CDCA7L: variants seen among roughly 807,000 people sequenced by gnomAD.
CDCA7L encodes the protein cell division cycle associated 7 like, also known as cell division cycle-associated 7-like protein.
A neutral mutation model predicts 57.4 loss-of-function variants in CDCA7L; 44 were observed. That is an observed-to-expected ratio of 0.77 (90% CI 0.60 to 0.98). The LOEUF (loss-of-function observed/expected upper bound fraction) is 0.98, where lower values mean the gene tolerates loss of function less well. Among genes scored for constraint, CDCA7L ranks in the 50% least tolerant of loss-of-function variants. CDCA7L has a pLI of 0.00. For missense variants in CDCA7L, 644 were observed against 580.6 expected (o/e 1.11, Z -1.12); for synonymous variants, 236 against 202.8 (o/e 1.16, Z -1.39).
chr7:21,934,879 T>G (rs1459387530), intron 1 of CDCA7L, among the ~76,000 whole-genome samples: 1 of 152,126 alleles, frequency 6.6e-6, no homozygotes, highest in Non-Finnish European at 1.5e-5. Context: ...TATAAATATA[T>G]ACACACACCA....
intron 1 of CDCA7L, among the ~76,000 whole-genome samples, chr7:21,931,042 A>G (rs1785993645): frequency 6.6e-6 from 1 of 152,238 alleles, no homozygotes; most frequent in African/African-American, 2.4e-5. Context: ...GAAATGGATA[A>G]ATTTCTGGAC....
At chr7:21,934,896 A>G (rs1227051200) in intron 1 of CDCA7L, among the ~76,000 whole-genome samples, 1 of 152,194 alleles carries the variant, frequency 6.6e-6, no homozygotes, top group Non-Finnish European at 1.5e-5. Context: ...ACCAAACATC[A>G]AAGATCCCAA....
rs1786297976 is a variant in CDCA7L at position 21,940,254 on chromosome 7, C to T, written c.24+5527G>A. On this transcript the variant is annotated intron_variant, in intron 1 of 9. Coordinates refer to ENST00000406877, the MANE Select transcript of CDCA7L (RefSeq NM_018719.5). Reference sequence around the variant, plus strand: ...AGGGCCAGGAAAGTGCAACCCTACACCACTTACCTGGAAGGAAAAGAACCA... The same window carrying T: ...AGGGCCAGGAAAGTGCAACCCTACATCACTTACCTGGAAGGAAAAGAACCA... 1.1e-5 allele frequency: 10 copies of T among 947,590 alleles called. No individual in the cohort carries two copies. The South Asian group carries it at 3.9e-4, about 37-fold the overall frequency. 58.7% of individuals were successfully genotyped at this position (947,590 alleles called of 1,614,324 possible).
At chr7:21,942,839 C>T (rs1786384468) in intron 1 of CDCA7L, among the ~76,000 whole-genome samples, 1 of 152,180 alleles carries the variant, frequency 6.6e-6, no homozygotes, top group African/African-American at 2.4e-5. Flanking sequence ...TTTCTGTGAC[C>T]AGCTTCTGGG....
At chr7:21,902,753 C>A in intron 9 of CDCA7L, 1 of 522,954 alleles carries the variant, frequency 1.9e-6, no homozygotes, top group Non-Finnish European at 3.4e-6. Context: ...TGGTTAAAGG[C>A]AACGTGGAGT....
At chr7:21,910,781 C>T (rs1157849218) in intron 3 of CDCA7L, among the ~76,000 whole-genome samples, 1 of 152,118 alleles carries the variant, frequency 6.6e-6, no homozygotes, top group East Asian at 1.9e-4. Flanking sequence ...GAGTAGACTT[C>T]CCTCCAGAAT....
At chr7:21,924,528 T>G (rs367723798) in intron 1 of CDCA7L, among the ~76,000 whole-genome samples, 4 of 152,352 alleles carry the variant, frequency 2.6e-5, no homozygotes, top group East Asian at 3.9e-4. Context: ...TGCAAAATCA[T>G]TTCTTTGAAT....
intron 1 of CDCA7L, among the ~76,000 whole-genome samples, chr7:21,917,173 G>A (rs1414585011): frequency 1.3e-5 from 2 of 152,112 alleles, no homozygotes; most frequent in Non-Finnish European, 2.9e-5. Flanking sequence ...TTGATCTCTT[G>A]ACAAAAAGAA....
chr7:21,920,665 A>G (rs1475084028), intron 1 of CDCA7L, among the ~76,000 whole-genome samples: 1 of 152,228 alleles, frequency 6.6e-6, no homozygotes, highest in African/African-American at 2.4e-5. Flanking sequence ...TAACTCTGAC[A>G]TCATTCTTGG....
chr7:21,905,033 C>T (rs1006417955), intron 7 of CDCA7L, among the ~76,000 whole-genome samples: 1 of 151,964 alleles, frequency 6.6e-6, no homozygotes, highest in African/African-American at 2.4e-5. Flanking sequence ...AAATTTAAAA[C>T]TTGACAGTGT....
chr7:21,901,257 T>TAACA lies in CDCA7L; in HGVS notation c.*1061_*1064dup, dbSNP rs781325227. On this transcript the variant is annotated 3_prime_UTR_variant, in exon 10 of 10. Coordinates refer to ENST00000406877, the MANE Select transcript of CDCA7L (RefSeq NM_018719.5). ...TGGCTCTGCTTCTAGAAGCGTAAGG[T>TAACA]AACACTGGCATTCCTCTAGCCTCTG... The TAACA allele has an allele frequency of 6.2e-7, 1 of 1,607,732 alleles. No individual in the cohort carries two copies. The highest frequency in any genetic ancestry group is 1.7e-5 in the Admixed American group (1 of 59,512).
intron 1 of CDCA7L, among the ~76,000 whole-genome samples, chr7:21,925,325 C>T (rs554985413): frequency 6.6e-6 from 1 of 152,234 alleles, no homozygotes; most frequent in Admixed American, 6.5e-5. Flanking sequence ...TTCTTTTCAT[C>T]TAGCAATTTA....
intron 9 of CDCA7L, chr7:21,902,693 CTTGT>C (rs60273672): frequency 0.33 from 156,418 of 472,848 alleles, 27,356 homozygotes; most frequent in Non-Finnish European, 0.37. Flanking sequence ...CTCAGCCTGC[CTTGT>C]TTGTTTGTTC....
At chr7:21,934,035 G>A (rs1423654496) in intron 1 of CDCA7L, among the ~76,000 whole-genome samples, 2 of 151,846 alleles carry the variant, frequency 1.3e-5, no homozygotes, top group African/African-American at 4.8e-5. Flanking sequence ...ATTTGCAACA[G>A]AAAATGCTGA....
intron 6 of CDCA7L, among the ~76,000 whole-genome samples, chr7:21,906,073 G>C (rs1451614676): frequency 6.6e-6 from 1 of 151,672 alleles, no homozygotes; most frequent in African/African-American, 2.4e-5. Flanking sequence ...TTGGATAAAA[G>C]ACTCTCTCTG....
chr7:21,913,793 G>C (rs1287056421), intron 2 of CDCA7L, among the ~76,000 whole-genome samples: 2 of 152,220 alleles, frequency 1.3e-5, no homozygotes, highest in African/African-American at 4.8e-5. Flanking sequence ...TCTTGGGAGA[G>C]ATTACCATCT....
chr7:21,901,460 A>G lies in CDCA7L; in HGVS notation c.*862T>C, dbSNP rs559207291. ...CGTGGTGGCACACGACTGTAATCCC[A>G]GTTACTCAGGAGGTAGGAGAATCAC... On this transcript the variant is annotated 3_prime_UTR_variant, in exon 10 of 10. Transcript: ENST00000406877. The G allele has an allele frequency of 3.8e-5, 23 of 598,298 alleles. No individual in the cohort carries two copies. The highest frequency in any genetic ancestry group is 1.3e-4 in the Admixed American group (3 of 23,610). 37.1% of individuals were successfully genotyped at this position (598,298 alleles called of 1,614,324 possible). A position where few individuals can be genotyped will look rare whatever the true frequency, so the allele number is the denominator to read the frequency against.
chr7:21,941,647 T>C (rs1229240025), intron 1 of CDCA7L, among the ~76,000 whole-genome samples: 2 of 152,160 alleles, frequency 1.3e-5, no homozygotes, highest in African/African-American at 4.8e-5. Flanking sequence ...CCAGCCCTTC[T>C]AGTTAAAGGG....
At chr7:21,913,968 C>G (rs1436228117) in intron 2 of CDCA7L, among the ~76,000 whole-genome samples, 1 of 152,204 alleles carries the variant, frequency 6.6e-6, no homozygotes, top group Non-Finnish European at 1.5e-5. Flanking sequence ...GTTAGAAACC[C>G]TGGCACTGCT....
Sources: gnomAD v4.1 joint callset for allele counts (sites outside exome capture counted in the v4.1 genomes callset) on GRCh38, gnomAD v4.1.1 for gene constraint, MANE v1.5 for transcripts, NCBI Gene and HGNC (gene_info 2026-07-23, HGNC 2026-07-21) for gene names.